The following WDR37 variants were observed in gnomAD, a reference collection of about 807,000 sequenced individuals.
WDR37 encodes WD repeat-containing protein 37.
WDR37 carries 19 observed loss-of-function variants against 62.9 expected under a neutral mutation model. The observed-to-expected ratio is 0.30, with a 90% CI of 0.21 to 0.44. The LOEUF is 0.44. Among genes scored for constraint, WDR37 ranks in the 20% least tolerant of loss-of-function variants. The pLI is 1.00. For synonymous variants in WDR37, 250 were observed against 260.9 expected (o/e 0.96, Z 0.40); for missense variants, 474 against 657.6 (o/e 0.72, Z 3.05).
intron 13 of WDR37, among the ~76,000 whole-genome samples, chr10:1,126,402 T>C (rs1411408245): frequency 1.3e-4 from 17 of 127,718 alleles, no homozygotes; most frequent in Non-Finnish European, 2.5e-4. Flanking sequence ...CGAGACTGTG[T>C]CTCAGAAAAA....
chr10:1,074,543 CT>C (rs1273030097), intron 2 of WDR37: 63 of 1,303,324 alleles, frequency 4.8e-5, no homozygotes, highest in Non-Finnish European at 6.3e-5. Flanking sequence ...TGCCTTCCCC[CT>C]GCCCTGGGCG....
intron 7 of WDR37, among the ~76,000 whole-genome samples, chr10:1,089,013 G>A (rs1834294519): frequency 6.6e-6 from 1 of 152,160 alleles, no homozygotes; most frequent in Admixed American, 6.5e-5. Flanking sequence ...AAGGGTTGGT[G>A]GCCGGTGGGT....
chr10:1,068,545 A>C (rs1418980773), intron 1 of WDR37, among the ~76,000 whole-genome samples: 1 of 152,128 alleles, frequency 6.6e-6, no homozygotes, highest in African/African-American at 2.4e-5. Flanking sequence ...CTGGCACAAA[A>C]TTTCTCATGT....
intron 11 of WDR37, among the ~76,000 whole-genome samples, chr10:1,115,238 T>G (rs1261592366): frequency 1.3e-5 from 2 of 152,234 alleles, no homozygotes; most frequent in Non-Finnish European, 2.9e-5. Flanking sequence ...GCAAAGTTTT[T>G]TGTTTTCTTC....
At chr10:1,109,530 G>A (rs938750265) in intron 11 of WDR37, among the ~76,000 whole-genome samples, 58 of 152,074 alleles carry the variant, frequency 3.8e-4, no homozygotes, top group African/African-American at 1.4e-3. Context: ...TGACCAACAT[G>A]GAGAAACTCT....
At chr10:1,078,951 G>T (rs1300638804) in intron 3 of WDR37, among the ~76,000 whole-genome samples, 2 of 152,186 alleles carry the variant, frequency 1.3e-5, no homozygotes, top group African/African-American at 4.8e-5. Flanking sequence ...TAAGTGGTGT[G>T]GTTGGATGAA....
chr10:1,129,093 A>G, intron 13 of WDR37, 120 bp from the exon 14 acceptor site: 1 of 1,410,970 alleles, frequency 7.1e-7, no homozygotes, highest in Admixed American at 2.1e-5. Flanking sequence ...GATCCTGCAC[A>G]CCATGTTGTT....
At chr10:1,113,675 G>A (rs999372274) in intron 11 of WDR37, among the ~76,000 whole-genome samples, 2 of 152,190 alleles carry the variant, frequency 1.3e-5, no homozygotes, top group Non-Finnish European at 1.5e-5. Flanking sequence ...AGGTGTGGTG[G>A]AAACAGGAAG....
chr10:1,075,189 G>A (rs1833837184), intron 2 of WDR37, among the ~76,000 whole-genome samples: 1 of 152,014 alleles, frequency 6.6e-6, no homozygotes, highest in Non-Finnish European at 1.5e-5. Context: ...AGTGGGACAA[G>A]TCCTCATTTC....
intron 1 of WDR37, among the ~76,000 whole-genome samples, chr10:1,068,846 T>C (rs1564496790): frequency 6.6e-6 from 1 of 152,250 alleles, no homozygotes; most frequent in East Asian, 1.9e-4. Flanking sequence ...CTGTCAGTTG[T>C]ATTTGGCAAT....
intron 1 of WDR37, among the ~76,000 whole-genome samples, chr10:1,058,316 T>C (rs886580232): frequency 6.6e-6 from 1 of 152,224 alleles, no homozygotes; most frequent in Non-Finnish European, 1.5e-5. Flanking sequence ...TTATGTAATA[T>C]ATGCCAGCCA....
chr10:1,094,802 A>T (rs1424665226), intron 8 of WDR37, among the ~76,000 whole-genome samples: 1 of 152,074 alleles, frequency 6.6e-6, no homozygotes, highest in East Asian at 1.9e-4. Flanking sequence ...GGAGAGTTAG[A>T]CTTGGAAACG....
At chr10:1,076,678 CA>C (rs746636401) in intron 2 of WDR37, among the ~76,000 whole-genome samples, 1,899 of 73,512 alleles carry the variant, frequency 0.026, 18 homozygotes, top group African/African-American at 0.06. Flanking sequence ...GACTCCATCT[CA>C]AAAAAAAAAA....
chr10:1,126,773 C>T (rs1835800238), intron 13 of WDR37, among the ~76,000 whole-genome samples: 1 of 152,232 alleles, frequency 6.6e-6, no homozygotes, highest in South Asian at 2.1e-4. Flanking sequence ...AACACCTTTT[C>T]TTCCGGTAGC....
chr10:1,061,838 C>A (rs1406704226), intron 1 of WDR37, among the ~76,000 whole-genome samples: 56 of 138,600 alleles, frequency 4.0e-4, no homozygotes, highest in South Asian at 4.6e-4. Context: ...GACGTCATCT[C>A]AAAAAAAAAA....
intron 11 of WDR37, among the ~76,000 whole-genome samples, chr10:1,122,429 ACTGCCC>A (rs752803990): frequency 6.6e-6 from 1 of 152,184 alleles, no homozygotes; most frequent in Non-Finnish European, 1.5e-5. Context: ...CTGAGAAGGC[ACTGCCC>A]CTGCGTCTCA....
At chr10:1,078,177 A>G (rs1262869946) in intron 3 of WDR37, among the ~76,000 whole-genome samples, 174 bp downstream of exon 3, 10 of 152,208 alleles carry the variant, frequency 6.6e-5, no homozygotes, top group Non-Finnish European at 1.3e-4. Context: ...GGTCTGGTAT[A>G]ATTCCCACGA....
intron 8 of WDR37, among the ~76,000 whole-genome samples, chr10:1,095,028 G>A (rs886565911): frequency 6.6e-6 from 1 of 151,020 alleles, no homozygotes. Flanking sequence ...GAAACATGAG[G>A]TAATGGGTAT....
intron 7 of WDR37, among the ~76,000 whole-genome samples, chr10:1,092,575 G>T (rs1319872451): frequency 6.6e-6 from 1 of 151,602 alleles, no homozygotes; most frequent in Non-Finnish European, 1.5e-5. Flanking sequence ...TTTCACCATG[G>T]TCTCGATCTC....
Sources: gnomAD v4.1 joint callset for allele counts (sites outside exome capture counted in the v4.1 genomes callset) on GRCh38, gnomAD v4.1.1 for gene constraint, MANE v1.5 for transcripts, NCBI Gene and HGNC (gene_info 2026-07-23, HGNC 2026-07-21) for gene names.